The following APLF variants were observed in gnomAD, a reference collection of about 807,000 sequenced individuals.
The protein encoded by APLF is aprataxin and PNK-like factor.
APLF carries 61 observed loss-of-function variants against 55.6 expected under a neutral mutation model. That is an observed-to-expected ratio of 1.10 (90% confidence interval 0.89 to 1.36). APLF has a LOEUF of 1.36. Ranked by LOEUF, APLF falls within the 40% of genes most tolerant of loss-of-function variation. The pLI, the probability that APLF is intolerant of heterozygous loss-of-function variation, is 0.00. For synonymous variants in APLF, 207 were observed against 214.8 expected (o/e 0.96, Z 0.32); for missense variants, 611 against 602.5 (o/e 1.01, Z -0.15).
At chr2:68,566,623 G>C (rs1463758145) in intron 8 of APLF, among the ~76,000 whole-genome samples, 2 of 152,034 alleles carry the variant, frequency 1.3e-5, no homozygotes, top group African/African-American at 2.4e-5. Context: ...CCCTAAGAAA[G>C]GGGTACCAGT....
chr2:68,528,599 G>T (rs1431648879), intron 6 of APLF: 2 of 1,534,006 alleles, frequency 1.3e-6, no homozygotes, highest in African/African-American at 2.7e-5. Flanking sequence ...CAAGCCTGGA[G>T]AGCTGGGCAG....
chr2:68,517,544 T>C (rs1250097786), intron 5 of APLF, among the ~76,000 whole-genome samples: 1 of 142,598 alleles, frequency 7.0e-6, no homozygotes, highest in East Asian at 2.1e-4. Flanking sequence ...TTAACATATG[T>C]CAATATATGT....
intron 1 of APLF, among the ~76,000 whole-genome samples, chr2:68,470,379 T>G (rs1001143823): frequency 2.0e-5 from 3 of 152,192 alleles, no homozygotes; most frequent in African/African-American, 4.8e-5. Flanking sequence ...TTTGTGGTGA[T>G]AGAAATGTGC....
At chr2:68,560,130 A>G (rs1573264839) in intron 8 of APLF, among the ~76,000 whole-genome samples, 1 of 152,050 alleles carries the variant, frequency 6.6e-6, no homozygotes, top group Admixed American at 6.6e-5. Context: ...CTCTACCTGT[A>G]TGTTCAATCA....
At chr2:68,510,805 G>C (rs1165792028) in intron 3 of APLF, among the ~76,000 whole-genome samples, 1 of 151,786 alleles carries the variant, frequency 6.6e-6, no homozygotes, top group East Asian at 1.9e-4. Context: ...AGATAAACAA[G>C]TATTGTATAG....
chr2:68,560,298 G>C (rs1043442445), intron 8 of APLF, among the ~76,000 whole-genome samples: 9 of 152,212 alleles, frequency 5.9e-5, no homozygotes, highest in Middle Eastern at 3.4e-3. Context: ...ACCTAGAACA[G>C]TGCTTGGCAT....
intron 5 of APLF, among the ~76,000 whole-genome samples, chr2:68,519,524 C>A (rs1669828587): frequency 6.7e-6 from 1 of 149,812 alleles, no homozygotes; most frequent in Admixed American, 6.7e-5. Context: ...CAAGTTAAGT[C>A]TTTCTTTTAT....
chr2:68,491,890 T>C (rs7419739), intron 2 of APLF, among the ~76,000 whole-genome samples: 55,582 of 151,998 alleles, frequency 0.37, 12,117 homozygotes, highest in Non-Finnish European at 0.49. Flanking sequence ...TCAATAGATA[T>C]CAGATTTTCT....
At chr2:68,545,150 T>A (rs747452042) in intron 7 of APLF, 37 bp from the exon 8 acceptor site, 1 of 936,378 alleles carries the variant, frequency 1.1e-6, no homozygotes, top group Non-Finnish European at 1.5e-6. Context: ...GAATATCCTA[T>A]TTTTTTTTTC....
chr2:68,559,750 A>C (rs900952385), intron 8 of APLF, among the ~76,000 whole-genome samples: 5 of 152,134 alleles, frequency 3.3e-5, no homozygotes, highest in African/African-American at 7.2e-5. Flanking sequence ...GGAATACTGC[A>C]GTAGTTTCCC....
intron 6 of APLF, among the ~76,000 whole-genome samples, chr2:68,534,388 G>C (rs1347182590): frequency 6.6e-6 from 1 of 152,072 alleles, no homozygotes; most frequent in African/African-American, 2.4e-5. Context: ...AAGGTAATTT[G>C]TCACCACAGA....
At chr2:68,561,500 A>AT (rs1302117709) in intron 8 of APLF, among the ~76,000 whole-genome samples, 13 of 152,074 alleles carry the variant, frequency 8.5e-5, no homozygotes, top group Non-Finnish European at 7.4e-5. Flanking sequence ...GAACTGAGTG[A>AT]TTGATTGACT....
intron 6 of APLF, among the ~76,000 whole-genome samples, chr2:68,527,252 G>C (rs1379880238): frequency 6.6e-6 from 1 of 151,342 alleles, no homozygotes; most frequent in Non-Finnish European, 1.5e-5. Context: ...TTCCCAGACG[G>C]TGAGGAGGCG....
At chr2:68,495,624 G>C (rs1435258446) in intron 2 of APLF, among the ~76,000 whole-genome samples, 1 of 152,256 alleles carries the variant, frequency 6.6e-6, no homozygotes, top group Non-Finnish European at 1.5e-5. Flanking sequence ...AGTGTCCCAA[G>C]TGGGGACTCT....
intron 9 of APLF, among the ~76,000 whole-genome samples, chr2:68,571,940 T>C (rs75277159): frequency 0.025 from 3,858 of 152,290 alleles, 64 homozygotes; most frequent in South Asian, 0.043. Flanking sequence ...TTATGTGATA[T>C]GTATTATTCT....
intron 5 of APLF, among the ~76,000 whole-genome samples, chr2:68,523,883 A>G (rs1669963139): frequency 6.6e-6 from 1 of 151,838 alleles, no homozygotes; most frequent in African/African-American, 2.4e-5. Context: ...CATTTTAATA[A>G]TATCAAAATG....
At chr2:68,500,140 G>C (rs915745514) in intron 2 of APLF, among the ~76,000 whole-genome samples, 1 of 152,030 alleles carries the variant, frequency 6.6e-6, no homozygotes. Flanking sequence ...CTTCATGTAC[G>C]TATAGCATTT....
intron 1 of APLF, among the ~76,000 whole-genome samples, chr2:68,478,904 C>T (rs767542529): frequency 6.6e-6 from 1 of 152,214 alleles, no homozygotes; most frequent in Non-Finnish European, 1.5e-5. Flanking sequence ...TAACCACCAG[C>T]TGCCATTCTT....
At chr2:68,554,403 A>G (rs1166075679) in intron 8 of APLF, among the ~76,000 whole-genome samples, 4 of 152,134 alleles carry the variant, frequency 2.6e-5, no homozygotes, top group Non-Finnish European at 5.9e-5. Flanking sequence ...AACATGAAAA[A>G]ATGGTAATTT....
Sources: allele counts gnomAD v4.1 joint callset (sites outside exome capture counted in the v4.1 genomes callset), GRCh38; gene constraint gnomAD v4.1.1; transcripts MANE v1.5; gene names NCBI Gene and HGNC (gene_info 2026-07-23, HGNC 2026-07-21).